BPIFA2: variants seen among roughly 807,000 people sequenced by gnomAD.
The protein encoded by BPIFA2 is BPI fold-containing family A member 2.
BPIFA2 carries 20 observed loss-of-function variants against 25.7 expected under a neutral mutation model. The observed-to-expected ratio is 0.78, with a 90% CI of 0.55 to 1.13. The LOEUF (loss-of-function observed/expected upper bound fraction) is 1.13, where lower values mean the gene tolerates loss of function less well. BPIFA2 is among the 50% of genes most tolerant of loss of function. The pLI, the probability that BPIFA2 is intolerant of heterozygous loss-of-function variation, is 0.00. For synonymous variants in BPIFA2, 126 were observed against 124.3 expected, an observed-to-expected ratio of 1.01 and a Z score of -0.09; for missense variants, 300 against 298.1, an observed-to-expected ratio of 1.01 and a Z score of -0.05.
chr20:33,179,481 G>T, intron 6 of BPIFA2, 123 bp from the exon 7 acceptor site: 3 of 753,612 alleles, frequency 4.0e-6, no homozygotes, highest in Non-Finnish European at 6.9e-6. Context: ...AAGGTTCAAA[G>T]ATTCTAAGAT....
In BPIFA2 at chr20:33,169,251, C is replaced by T. The variant is rs1187253398; in HGVS notation, c.106C>T (p.Leu36=). ...TGACCTAAGCAATGTCGTGGATAAGCTGGAACCTGTTCTTCACGAGGGACT... is the reference window on the plus strand; with the variant it reads ...TGACCTAAGCAATGTCGTGGATAAGTTGGAACCTGTTCTTCACGAGGGACT... ...GNDLSNVVDK[L]EPVLHEGLET... is the part of the protein sequence containing the mutation. Residue 36 remains leucine (L), a synonymous_variant, in exon 2 of 9, where the codon CTG becomes TTG. Coordinates refer to ENST00000354932, the MANE Select transcript of BPIFA2 (RefSeq NM_080574.4). The T allele has an allele frequency of 3.7e-6, 6 of 1,613,980 alleles. No individual in the cohort carries two copies. Among genetic ancestry groups the T allele is most frequent in the Non-Finnish European group, 3.4e-6 (4 of 1,179,938 alleles).
At chr20:33,175,632 C>T (rs1455208431) in intron 5 of BPIFA2, 73 bp downstream of exon 5, 16 of 1,515,434 alleles carry the variant, frequency 1.1e-5, no homozygotes, top group Non-Finnish European at 1.4e-5. Context: ...CTCTAGTCCT[C>T]TACCTAAGAG....
rs193191703 is a variant in BPIFA2 at position 33,172,707 on chromosome 20, G to A, written c.158-225G>A. ...ATTATTAATAGTACGGAGGCAGTAT[G>A]GAGGAAACAAGAGTTCCCTGGCTGT... On this transcript the variant is annotated intron_variant, in intron 2 of 8. Transcript: ENST00000354932. Among the ~76,000 whole-genome samples the A allele has an allele frequency of 7.4e-4, 113 of 152,216 alleles. 1 individual carries two copies. In the Middle Eastern group the frequency reaches 0.027, roughly 37 times the overall value.
chr20:33,170,494 A>G (rs1983863335), intron 2 of BPIFA2, among the ~76,000 whole-genome samples: 1 of 152,158 alleles, frequency 6.6e-6, no homozygotes, highest in African/African-American at 2.4e-5. Flanking sequence ...CCTGGGCTCA[A>G]CTGATCCTCT....
intron 2 of BPIFA2, among the ~76,000 whole-genome samples, chr20:33,170,891 T>C (rs1256368594): frequency 2.6e-5 from 4 of 152,248 alleles, no homozygotes; most frequent in Non-Finnish European, 4.4e-5. Flanking sequence ...ATTTAAACCA[T>C]CTTGAGTTAA....
intron 6 of BPIFA2, among the ~76,000 whole-genome samples, 177 bp downstream of exon 6, chr20:33,178,405 G>A (rs967445797): frequency 2.6e-5 from 4 of 152,158 alleles, no homozygotes; most frequent in Admixed American, 6.5e-5. Flanking sequence ...GGGTAGAGCA[G>A]AGGCCTGACA....
chr20:33,177,081 C>T (rs976448281), intron 5 of BPIFA2, among the ~76,000 whole-genome samples: 2 of 152,140 alleles, frequency 1.3e-5, no homozygotes, highest in Non-Finnish European at 2.9e-5. Context: ...AGGCTGGGCA[C>T]GATGGCTCCA....
At chr20:33,177,722 C>T (rs945335199) in intron 5 of BPIFA2, among the ~76,000 whole-genome samples, 1 of 152,114 alleles carries the variant, frequency 6.6e-6, no homozygotes, top group Admixed American at 6.5e-5. Context: ...GGCAATTATA[C>T]TAAGAGTTGA....
Position 33,174,239 on chromosome 20 carries a change from T to C in BPIFA2, c.410+53T>C, listed in dbSNP as rs577845506. On this transcript the variant is annotated intron_variant, in intron 4 of 8. Coordinates refer to ENST00000354932, the MANE Select transcript of BPIFA2 (RefSeq NM_080574.4). ...GGGAAAGGCAGTGCAACCTGGCCGATGGATGCCCAACCTGGGAATCGGGCA... is the reference window on the plus strand; with the variant it reads ...GGGAAAGGCAGTGCAACCTGGCCGACGGATGCCCAACCTGGGAATCGGGCA... The C allele has an allele frequency of 2.2e-5, 34 of 1,538,954 alleles. No individual in the cohort carries two copies. The African/African-American group carries it at 3.4e-4, about 15-fold the overall frequency.
chr20:33,179,972 C>T (rs1443539550), intron 7 of BPIFA2, among the ~76,000 whole-genome samples: 2 of 152,122 alleles, frequency 1.3e-5, no homozygotes, highest in Non-Finnish European at 2.9e-5. Flanking sequence ...AATCCTAGCA[C>T]TTTGCGAGGC....
chr20:33,167,684 C>A (rs115352206), upstream of BPIFA2, among the ~76,000 whole-genome samples: 152,146 of 152,308 alleles, frequency 1, 75,993 homozygotes, highest in African/African-American at 1. Flanking sequence ...GGGCAGGACC[C>A]CTGGGAGGCT....
chr20:33,173,000 C>A lies in BPIFA2; in HGVS notation c.226C>A (p.Gln76Lys). 1 of 1,614,050 alleles carries A rather than the reference C, an allele frequency of 6.2e-7. No individual in the cohort carries two copies. The highest frequency in any genetic ancestry group is 8.5e-7 in the Non-Finnish European group (1 of 1,179,984). ...ATCCAGTGCTTGGCAACTGGCCAAG[C>A]AGAAGGCCCAGGAAGCTGAGAAATT... ...QKSSAWQLAK[Q>K]KAQEAEKLLN... is the part of the protein sequence containing the mutation. Residue 76 changes from glutamine to lysine, a missense_variant, in exon 3 of 9, where the codon CAG becomes AAG. Gln to Lys is a moderately conservative substitution (Grantham distance 53, BLOSUM62 1). Transcript: ENST00000354932.
chr20:33,175,503 C>A lies in BPIFA2; in HGVS notation c.507C>A (p.Ala169=). The change falls in exon 5 of 9, where the codon GCC becomes GCA. Residue 169 remains alanine (A), a synonymous_variant. Transcript: ENST00000354932. ...ATCCCCAGACACACCAGCCTGTTGC[C>A]GTCCTGGGAGAATGCGCCAGTGACC... ...ETDPQTHQPV[A]VLGECASDPT... The A allele has an allele frequency of 6.2e-7, 1 of 1,614,088 alleles. No homozygotes were observed. Among genetic ancestry groups the A allele is most frequent in the Non-Finnish European group, 8.5e-7 (1 of 1,180,004 alleles).
At chr20:33,175,597 G>A (rs1347363341) in intron 5 of BPIFA2, 38 bp downstream of exon 5, 1 of 1,600,184 alleles carries the variant, frequency 6.2e-7, no homozygotes, top group African/African-American at 1.3e-5. Flanking sequence ...GGGCTCTCAG[G>A]GAACTTGAGG....
chr20:33,167,063 G>A (rs1263589971), upstream of BPIFA2, among the ~76,000 whole-genome samples: 7 of 152,196 alleles, frequency 4.6e-5, no homozygotes, highest in African/African-American at 1.4e-4. Flanking sequence ...TCCTGCAGCC[G>A]CCCAGCTCTG....
chr20:33,179,664 G>T lies in BPIFA2; in HGVS notation c.706G>T (p.Val236Phe). 1.9e-6 allele frequency: 3 copies of T among 1,609,470 alleles called. No individual in the cohort carries two copies. Among genetic ancestry groups the T allele is most frequent in the Non-Finnish European group, 2.6e-6 (3 of 1,176,074 alleles). ...GGATGTGAATGTCATTCAGCAGGTCGTCGGTAAGTCAATGGGGAAGTGGGG... is the reference window on the plus strand; with the variant it reads ...GGATGTGAATGTCATTCAGCAGGTCTTCGGTAAGTCAATGGGGAAGTGGGG... The part of the protein sequence containing the change: ...SLDVNVIQQV[V>F]DNPQHKTQLQ... The change falls in exon 7 of 9, where the codon GTC (valine) becomes TTC (phenylalanine). Residue 236 changes from valine (V) to phenylalanine (F), a missense_variant. Coordinates refer to ENST00000354932, the MANE Select transcript of BPIFA2 (RefSeq NM_080574.4).
At chr20:33,171,446 A>G (rs1299133207) in intron 2 of BPIFA2, among the ~76,000 whole-genome samples, 1 of 152,224 alleles carries the variant, frequency 6.6e-6, no homozygotes, top group Non-Finnish European at 1.5e-5. Context: ...TAGAGTGAAC[A>G]GGCAACCTAC....
At chr20:33,177,981 C>T (rs1984139833) in intron 5 of BPIFA2, among the ~76,000 whole-genome samples, 166 bp from the exon 6 acceptor site, 1 of 152,134 alleles carries the variant, frequency 6.6e-6, no homozygotes, top group African/African-American at 2.4e-5. Flanking sequence ...ATGTGGGAGT[C>T]TAAGTGATGA....
At chr20:33,164,730 C>T (rs1386712365), upstream of BPIFA2, among the ~76,000 whole-genome samples, 2 of 150,846 alleles carry the variant, frequency 1.3e-5, no homozygotes, top group Non-Finnish European at 2.9e-5. Context: ...CATCATTTGA[C>T]TCCTGCTGTA....
Sources: allele counts gnomAD v4.1 joint callset (sites outside exome capture counted in the v4.1 genomes callset), GRCh38; gene constraint gnomAD v4.1.1; transcripts MANE v1.5; gene names NCBI Gene and HGNC (gene_info 2026-07-23, HGNC 2026-07-21).